ASGR2: variants seen among roughly 807,000 people sequenced by gnomAD.
ASGR2 encodes C-type lectin domain family 4 member H2.
In ASGR2, 34 loss-of-function variants were observed where a neutral mutation model predicts 32.3. That is an observed-to-expected ratio of 1.05 (90% CI 0.80 to 1.40). The LOEUF is 1.40. Among genes scored for constraint, ASGR2 ranks in the 40% most tolerant of loss-of-function variants. The pLI, the probability that ASGR2 is intolerant of heterozygous loss-of-function variation, is 0.00. For missense variants in ASGR2, 385 were observed against 386.4 expected, an observed-to-expected ratio of 1.00 and a Z score of 0.03; for synonymous variants, 143 against 150.0, an observed-to-expected ratio of 0.95 and a Z score of 0.34.
At position 7,102,136 on chromosome 17, in the gene ASGR2, C is replaced by G. The variant is rs146015730; in HGVS notation, c.709G>C (p.Gly237Arg). 8 of 1,614,062 alleles carry G rather than the reference C, an allele frequency of 5.0e-6. No homozygotes were observed. The African/African-American group carries it at 1.1e-4, about 22-fold the overall frequency. ...NTWIGLTDSD[G>R]SWKWVDGTDY... ...GTGCCATCCACCCATTTCCAAGAGC[C>G]ATCACTGTCCGTGAGACCTATCCAG... Residue 237 changes from glycine to arginine, a missense_variant, in exon 8 of 9, where the codon GGC (glycine) becomes CGC (arginine). Gly to Arg is a moderately radical substitution (Grantham distance 125). Transcript: ENST00000691900.
At chr17:7,109,122 CA>C (rs1914294214) in intron 2 of ASGR2, among the ~76,000 whole-genome samples, 1 of 151,962 alleles carries the variant, frequency 6.6e-6, no homozygotes, top group African/African-American at 2.4e-5. Context: ...GGTGCACACA[CA>C]CCCATGCACA....
At position 7,114,066 on chromosome 17, in the gene ASGR2, A is replaced by G; in HGVS notation, c.124+51T>C. ...GCAGAGACCTCAAAGGGACAGAGCA[A>G]TCATGAGCTGAGACAGAGGGGGAGC... On this transcript the variant is annotated intron_variant, in intron 2 of 8. Coordinates refer to ENST00000691900, the MANE Select transcript of ASGR2 (RefSeq NM_001201352.2). The surrounding 1 kb of genome is among the most constrained non-coding windows in gnomAD (Gnocchi z 4.5). 8 of 1,610,038 alleles carry G rather than the reference A, an allele frequency of 5.0e-6. No homozygotes were observed. The highest frequency in any genetic ancestry group is 6.8e-6 in the Non-Finnish European group (8 of 1,178,114).
Position 7,114,596 on chromosome 17 carries a change from C to T in ASGR2, c.-71+19G>A, listed in dbSNP as rs1356580116. 9.3e-7 allele frequency: 1 copy of T among 1,071,854 alleles called. No individual in the cohort carries two copies. 66.4% of individuals were successfully genotyped at this position (1,071,854 alleles called of 1,614,324 possible). Reference sequence around the variant, plus strand: ...TTCCCAAGCATCCTCGTCCCAGTTGCCTCCCCAGCCTCAGTTACCTGTGAA... The same window carrying T: ...TTCCCAAGCATCCTCGTCCCAGTTGTCTCCCCAGCCTCAGTTACCTGTGAA... On this transcript the variant is annotated intron_variant, in intron 1 of 8. Coordinates refer to ENST00000691900, the MANE Select transcript of ASGR2 (RefSeq NM_001201352.2). The surrounding 1 kb of genome is among the most constrained non-coding windows in gnomAD (Gnocchi z 4.5).
chr17:7,110,495 G>A (rs1020622365), intron 2 of ASGR2, among the ~76,000 whole-genome samples: 1 of 152,172 alleles, frequency 6.6e-6, no homozygotes, highest in Non-Finnish European at 1.5e-5. Context: ...CCAGCAACGT[G>A]TCTGTATATC....
In ASGR2 at chr17:7,107,280, G is replaced by A. The variant is rs778828209; in HGVS notation, c.447C>T (p.Pro149=). The A allele has an allele frequency of 3.0e-5, 49 of 1,613,844 alleles. No individual in the cohort carries two copies. The East Asian group carries it at 3.3e-4, about 11-fold the overall frequency. ...DALLFHLKHF[P]VDLRFVACQM... ...GGCAGGCCACGAAGCGCAGGTCCAC[G>A]GGGAAGTGCTTCAGATGGAAGAGCA... The change falls in exon 6 of 9, where the codon CCC becomes CCT. Residue 149 remains proline, a synonymous_variant. Transcript: ENST00000691900. The surrounding 1 kb of genome is among the most constrained non-coding windows in gnomAD (Gnocchi z 5.0).
At position 7,113,145 on chromosome 17, in the gene ASGR2, A is replaced by G. The variant is rs949768013; in HGVS notation, c.124+972T>C. ...CTACACTCCTGTCTCTAAAAAAAAAATGTCCAAGATACTTAGGTCCTTCAG... is the reference window on the plus strand; with the variant it reads ...CTACACTCCTGTCTCTAAAAAAAAAGTGTCCAAGATACTTAGGTCCTTCAG... On this transcript the variant is annotated intron_variant, in intron 2 of 8. Coordinates refer to ENST00000691900, the MANE Select transcript of ASGR2 (RefSeq NM_001201352.2). This position sits in a 1 kb window ranked among gnomAD's most constrained non-coding sequence, Gnocchi z 5.1. 1.3e-5 allele frequency among the ~76,000 whole-genome samples: 2 copies of G among 151,994 alleles called. No individual in the cohort carries two copies. The highest frequency in any genetic ancestry group is 2.9e-5 in the Non-Finnish European group (2 of 67,980).
chr17:7,103,751 G>A (rs1913183102), intron 7 of ASGR2, among the ~76,000 whole-genome samples: 1 of 152,032 alleles, frequency 6.6e-6, no homozygotes, highest in Non-Finnish European at 1.5e-5. Flanking sequence ...GCCTTGTTTC[G>A]GAATATGAGG....
Position 7,114,028 on chromosome 17 carries a change from C to G in ASGR2, c.124+89G>C. Reference sequence around the variant, plus strand: ...TCGGGCCCTCCTCAGTCCCTGTTCACAGAGTGGGTGCGGCAGAGACCTCAA... The same window carrying G: ...TCGGGCCCTCCTCAGTCCCTGTTCAGAGAGTGGGTGCGGCAGAGACCTCAA... On this transcript the variant is annotated intron_variant, in intron 2 of 8. Transcript: ENST00000691900. The surrounding 1 kb of genome is among the most constrained non-coding windows in gnomAD (Gnocchi z 4.5). 1.9e-6 allele frequency: 3 copies of G among 1,563,980 alleles called. No individual in the cohort carries two copies. The highest frequency in any genetic ancestry group is 2.6e-6 in the Non-Finnish European group (3 of 1,153,254).
chr17:7,110,706 C>T (rs1453020359), intron 2 of ASGR2, among the ~76,000 whole-genome samples: 2 of 152,332 alleles, frequency 1.3e-5, no homozygotes, highest in African/African-American at 4.8e-5. Flanking sequence ...AAAGTTTGAA[C>T]ATAAAAGACA....
rs746994708 is a variant in ASGR2 at position 7,101,624 on chromosome 17, T to C, written c.872A>G (p.Tyr291Cys). The C allele has an allele frequency of 1.2e-6, 2 of 1,614,174 alleles. No homozygotes were observed. The highest frequency in any genetic ancestry group is 1.7e-6 in the Non-Finnish European group (2 of 1,180,032). ...RWNDDFCLQVYRWVCEKRRNA... is the reference protein window; with the variant it reads ...RWNDDFCLQVCRWVCEKRRNA... ...CCGCCTTTTCTCACACACCCAGCGG[T>C]ACACCTGCAGGCAGAAGTCATCGTT... Residue 291 changes from tyrosine to cysteine, a missense_variant, in exon 9 of 9, where the codon TAC becomes TGC. By Grantham distance (194) the Tyr-to-Cys change is radical. Transcript: ENST00000691900.
At position 7,108,488 on chromosome 17, in the gene ASGR2, G is replaced by C. The variant is rs576242723; in HGVS notation, c.311C>G (p.Thr104Arg). ...GTGGGTGCTGATTGCCTGGACCTCC[G>C]TCAGGGTGCTCGAGGAGAAGTTGCT... ...AFSNFSSSTL[T>R]EVQAISTHGG... The change falls in exon 4 of 9, where the codon ACG becomes AGG. Residue 104 changes from threonine (T) to arginine (R), a missense_variant. Physicochemically the swap from Thr to Arg is moderately conservative, Grantham distance 71. Coordinates refer to ENST00000691900, the MANE Select transcript of ASGR2 (RefSeq NM_001201352.2). The surrounding 1 kb of genome is among the most constrained non-coding windows in gnomAD (Gnocchi z 4.9). 1.2e-6 allele frequency: 2 copies of C among 1,607,920 alleles called. No individual in the cohort carries two copies. The highest frequency in any genetic ancestry group is 2.2e-5 in the South Asian group (2 of 89,674).
At position 7,114,146 on chromosome 17, in the gene ASGR2, T is replaced by G. The variant is rs1915164016; in HGVS notation, c.95A>C (p.Asn32Thr). The G allele has an allele frequency of 6.2e-7, 1 of 1,614,106 alleles. No homozygotes were observed. The highest frequency in any genetic ancestry group is 1.3e-5 in the African/African-American group (1 of 74,934). ...CAAAAATGGATTTCCTCTCCTGGGATTCAGCCTGCGAGTGCCTGGCCCCTC... is the reference window on the plus strand; with the variant it reads ...CAAAAATGGATTTCCTCTCCTGGGAGTCAGCCTGCGAGTGCCTGGCCCCTC... ...QGEGPGTRRL[N>T]PRRGNPFLKG... Residue 32 changes from asparagine to threonine, a missense_variant, in exon 2 of 9, where the codon AAT becomes ACT. Coordinates refer to ENST00000691900, the MANE Select transcript of ASGR2 (RefSeq NM_001201352.2). This position sits in a 1 kb window ranked among gnomAD's most constrained non-coding sequence, Gnocchi z 4.5.
In ASGR2 at chr17:7,108,766, C is replaced by T. The variant is rs1164029995; in HGVS notation, c.241+6G>A. ...GCCCATCCCTGCTGGCCCCCGTGAC[C>T]CTCACTTTGGGACCCAGTCACACAG... On this transcript the variant is annotated splice_donor_region_variant and intron_variant, in intron 3 of 8. Transcript: ENST00000691900. The surrounding 1 kb of genome is among the most constrained non-coding windows in gnomAD (Gnocchi z 4.9). 6.2e-7 allele frequency: 1 copy of T among 1,614,076 alleles called. No homozygotes were observed. The highest frequency in any genetic ancestry group is 8.5e-7 in the Non-Finnish European group (1 of 1,180,000).
At chr17:7,106,486 A>T (rs1223355460) in intron 7 of ASGR2, among the ~76,000 whole-genome samples, 3 of 152,270 alleles carry the variant, frequency 2.0e-5, no homozygotes, top group Admixed American at 1.3e-4. Flanking sequence ...CAACCTGATC[A>T]GTAAAGCAAA....
At chr17:7,112,158 A>T (rs1914775194) in intron 2 of ASGR2, among the ~76,000 whole-genome samples, 1 of 139,320 alleles carries the variant, frequency 7.2e-6, no homozygotes, top group South Asian at 2.5e-4. Context: ...ACTGGGAGAA[A>T]AAAGAATTAA....
Position 7,108,862 on chromosome 17 carries a change from G to A in ASGR2, c.151C>T (p.Gln51Ter), listed in dbSNP as rs751689970. ...AAGCAGACCATGGAGCAGAGACGCT[G>A]TGCCAGGGGCTGGGCAGGAGGTGGC... ...KGPPPAQPLAQRLCSMVCFSL... is the reference protein window; with the variant it reads ...KGPPPAQPLA Residue 51 changes from glutamine (Q) to a stop codon, truncating the protein, a stop_gained, in exon 3 of 9, where the codon CAG becomes TAG. Coordinates refer to ENST00000691900, the MANE Select transcript of ASGR2 (RefSeq NM_001201352.2). LOFTEE classifies it high-confidence loss of function. This position sits in a 1 kb window ranked among gnomAD's most constrained non-coding sequence, Gnocchi z 4.9. 6.2e-7 allele frequency: 1 copy of A among 1,601,658 alleles called. No homozygotes were observed. The highest frequency in any genetic ancestry group is 8.5e-7 in the Non-Finnish European group (1 of 1,174,556).
chr17:7,115,138 CAG>C, upstream of ASGR2: 2 of 434,922 alleles, frequency 4.6e-6, no homozygotes, highest in Non-Finnish European at 6.1e-6. The surrounding 1 kb of genome is among the most constrained non-coding windows in gnomAD (Gnocchi z 4.2). Context: ...ATCTGAACCA[CAG>C]ACCCCAGCTT....
intron 7 of ASGR2, among the ~76,000 whole-genome samples, chr17:7,104,928 A>T (rs960017405): frequency 2.0e-5 from 3 of 151,350 alleles, no homozygotes; most frequent in East Asian, 1.9e-4. Flanking sequence ...GTGAGCCAAG[A>T]TCGCGCCATT....
chr17:7,113,800 TCACA>T lies in ASGR2; in HGVS notation c.124+313_124+316del, dbSNP rs35452249. On this transcript the variant is annotated intron_variant, in intron 2 of 8. Coordinates refer to ENST00000691900, the MANE Select transcript of ASGR2 (RefSeq NM_001201352.2). This position sits in a 1 kb window ranked among gnomAD's most constrained non-coding sequence, Gnocchi z 5.1. Reference sequence around the variant, plus strand: ...ACATATACACACACACAACATTCACTCACACACACACACAGAGTCCCAGCTGAAT... The same window carrying T: ...ACATATACACACACACAACATTCACTCACACACACAGAGTCCCAGCTGAAT... Among the ~76,000 whole-genome samples, 336 of 151,488 alleles carry T rather than the reference TCACA, an allele frequency of 2.2e-3. 4 individuals carry two copies. The highest frequency in any genetic ancestry group is 7.8e-3 in the African/African-American group (321 of 41,320).
Sources: allele counts gnomAD v4.1 joint callset (sites outside exome capture counted in the v4.1 genomes callset), GRCh38; gene constraint gnomAD v4.1.1; non-coding constraint Gnocchi (gnomAD v3.1); transcripts MANE v1.5; gene names NCBI Gene and HGNC (gene_info 2026-07-23, HGNC 2026-07-21).